Variants in NELL2 observed in about 807,000 individuals in gnomAD.
The protein encoded by NELL2 is neural EGFL like 2, also known as protein kinase C-binding protein NELL2.
NELL2 carries 41 observed loss-of-function variants against 109.6 expected under a neutral mutation model. The observed-to-expected ratio is 0.37, with a 90% CI of 0.29 to 0.49. The LOEUF (loss-of-function observed/expected upper bound fraction) is 0.49, where lower values mean the gene tolerates loss of function less well. Ranked by LOEUF, NELL2 falls within the 20% of genes least tolerant of loss-of-function variation. The pLI, the probability that NELL2 is intolerant of heterozygous loss-of-function variation, is 0.98. For synonymous variants in NELL2, 355 were observed against 344.7 expected (o/e 1.03, Z -0.33); for missense variants, 900 against 1,008.3 (o/e 0.89, Z 1.45).
chr12:44,790,587 TAAC>T (rs898874536), intron 3 of NELL2, among the ~76,000 whole-genome samples: 1 of 147,984 alleles, frequency 6.8e-6, no homozygotes, highest in Non-Finnish European at 1.5e-5. Context: ...AAAAACAAAA[TAAC>T]AACAACAACA....
In NELL2 at chr12:44,816,155, T is replaced by G. The variant is rs200805045; in HGVS notation, c.185-19A>C. ...GGAGTATCTAAAAAAGAAACAAACA[T>G]ATACTAAGAATAGTAGAATTTGATT... On this transcript the variant is annotated intron_variant, in intron 2 of 19. Transcript: ENST00000429094. 9 of 1,566,880 alleles carry G rather than the reference T, an allele frequency of 5.7e-6. No individual in the cohort carries two copies. The African/African-American group carries it at 9.7e-5, about 17-fold the overall frequency.
At chr12:44,648,900 TTGTGTGTGTGTGTGTGTG>T (rs563769057) in intron 13 of NELL2, among the ~76,000 whole-genome samples, 2 of 107,148 alleles carry the variant, frequency 1.9e-5, no homozygotes, top group Admixed American at 9.9e-5. Context: ...CACGCCCAGC[TTGTGTGTGTGTGTGTGTG>T]TGTGTGTGTG....
In NELL2 at chr12:44,837,902, G is replaced by T. The variant is rs75841452; in HGVS notation, c.185-21766C>A. On this transcript the variant is annotated intron_variant, in intron 2 of 19. Coordinates refer to ENST00000429094, the MANE Select transcript of NELL2 (RefSeq NM_001145108.2). ...TTATGTGGCATTAAAGACTTACACT[G>T]TGCCAGTTTTATTATAATACCCTAA... Among the ~76,000 whole-genome samples, 1,166 of 152,212 alleles carry T rather than the reference G, an allele frequency of 7.7e-3. 15 individuals carry two copies. Among genetic ancestry groups the T allele is most frequent in the African/African-American group, 0.026 (1,091 of 41,528 alleles).
chr12:44,529,028 A>T (rs1345731838), intron 16 of NELL2, among the ~76,000 whole-genome samples: 1 of 152,210 alleles, frequency 6.6e-6, no homozygotes, highest in Non-Finnish European at 1.5e-5. Context: ...GAGAGGCTCC[A>T]CGAGTGTGAA....
At chr12:44,536,157 C>G (rs1194282187) in intron 15 of NELL2, among the ~76,000 whole-genome samples, 1 of 151,846 alleles carries the variant, frequency 6.6e-6, no homozygotes, top group African/African-American at 2.4e-5. Flanking sequence ...GCTCATGACT[C>G]TAATTAAAGC....
intron 13 of NELL2, among the ~76,000 whole-genome samples, chr12:44,652,386 G>C (rs1478648757): frequency 6.6e-6 from 1 of 152,128 alleles, no homozygotes; most frequent in African/African-American, 2.4e-5. Context: ...TTGTGTGTTT[G>C]TGTTCACTGG....
chr12:44,896,412 G>A (rs1412233962), intron 1 of NELL2, among the ~76,000 whole-genome samples: 1 of 152,122 alleles, frequency 6.6e-6, no homozygotes, highest in Non-Finnish European at 1.5e-5. Context: ...GTCAATAAAT[G>A]AAAGATACTA....
At chr12:44,912,605 A>T (rs1317358562) in intron 1 of NELL2, among the ~76,000 whole-genome samples, 1 of 152,136 alleles carries the variant, frequency 6.6e-6, no homozygotes. Context: ...ACTTAATTAA[A>T]TTGGCTTCCC....
intron 15 of NELL2, among the ~76,000 whole-genome samples, chr12:44,540,505 G>A (rs1227947555): frequency 6.6e-6 from 1 of 151,994 alleles, no homozygotes; most frequent in Admixed American, 6.6e-5. Context: ...ACATGGAGCT[G>A]GAAGTAGCTG....
rs376277799 is a variant in NELL2, at chr12:44,824,787, C to G, written c.185-8651G>C. Among the ~76,000 whole-genome samples the G allele has an allele frequency of 6.9e-4, 103 of 149,520 alleles. No homozygotes were observed. The South Asian group carries it at 7.4e-3, about 11-fold the overall frequency. ...GTGCAACGGCATGATCTCGGCTAAT[C>G]GCAAGCTCCGCCTCCCGGGTTCACG... On this transcript the variant is annotated intron_variant, in intron 2 of 19. Coordinates refer to ENST00000429094, the MANE Select transcript of NELL2 (RefSeq NM_001145108.2).
At chr12:44,766,308 A>G (rs1592490742) in intron 9 of NELL2, among the ~76,000 whole-genome samples, 1 of 152,166 alleles carries the variant, frequency 6.6e-6, no homozygotes. Context: ...AGGCCAGTGC[A>G]GCTGGGTTGT....
At chr12:44,539,645 A>G (rs1417477828) in intron 15 of NELL2, among the ~76,000 whole-genome samples, 1 of 152,126 alleles carries the variant, frequency 6.6e-6, no homozygotes, top group African/African-American at 2.4e-5. Flanking sequence ...CTTAGCCACT[A>G]CCATAACCAA....
chr12:44,800,710 T>C (rs553472203), intron 3 of NELL2, among the ~76,000 whole-genome samples: 6 of 152,276 alleles, frequency 3.9e-5, no homozygotes, highest in African/African-American at 1.4e-4. Context: ...TAAAAATCAA[T>C]AGAAATTCTT....
In NELL2 at chr12:44,714,636, A is replaced by G; in HGVS notation, c.1086+14T>C. The G allele has an allele frequency of 6.6e-7, 1 of 1,503,808 alleles. No individual in the cohort carries two copies. The highest frequency in any genetic ancestry group is 2.4e-5 in the East Asian group (1 of 41,890). 93.2% of individuals were successfully genotyped at this position (1,503,808 alleles called of 1,614,324 possible). The stretch of plus-strand genomic sequence containing the variant: ...TAGAAACAATTTTGAAAGACCCACG[A>G]ATAGTCTTCTTACCTTGCACTCATA... On this transcript the variant is annotated intron_variant, in intron 10 of 19. Transcript: ENST00000429094.
intron 1 of NELL2, among the ~76,000 whole-genome samples, chr12:44,908,420 A>C (rs1159533038): frequency 1.3e-5 from 2 of 151,988 alleles, no homozygotes; most frequent in African/African-American, 4.8e-5. Flanking sequence ...TAAACTGGAA[A>C]GATAAGAGTT....
At chr12:44,703,655 C>A (rs2136420582) in intron 12 of NELL2, 71 bp downstream of exon 12, 2 of 1,549,260 alleles carry the variant, frequency 1.3e-6, no homozygotes, top group African/African-American at 1.4e-5. Flanking sequence ...AACCTGGGAA[C>A]TTAATAAATT....
intron 14 of NELL2, among the ~76,000 whole-genome samples, chr12:44,607,667 C>T (rs1945455846): frequency 6.6e-6 from 1 of 152,026 alleles, no homozygotes; most frequent in Admixed American, 6.6e-5. Context: ...ATGGTTGAAT[C>T]CCATGAGGCT....
At chr12:44,621,475 A>G (rs1441596104) in intron 13 of NELL2, among the ~76,000 whole-genome samples, 1 of 152,138 alleles carries the variant, frequency 6.6e-6, no homozygotes, top group African/African-American at 2.4e-5. Flanking sequence ...AAATGAGTCT[A>G]AAAACAGTAC....
intron 1 of NELL2, among the ~76,000 whole-genome samples, chr12:44,889,104 A>G (rs1298795306): frequency 6.6e-6 from 1 of 151,964 alleles, no homozygotes; most frequent in African/African-American, 2.4e-5. Context: ...TTGTGACCTT[A>G]AACTATGCCA....
Sources: allele counts gnomAD v4.1 joint callset (sites outside exome capture counted in the v4.1 genomes callset), GRCh38; gene constraint gnomAD v4.1.1; transcripts MANE v1.5; gene names NCBI Gene and HGNC (gene_info 2026-07-23, HGNC 2026-07-21).